C12orf54: variants seen among roughly 807,000 people sequenced by gnomAD.
C12orf54 encodes chromosome 12 open reading frame 54.
A neutral mutation model predicts 26.4 loss-of-function variants in C12orf54; 24 were observed. That is an observed-to-expected ratio of 0.91 (90% CI 0.66 to 1.28). The LOEUF is 1.28. Among genes scored for constraint, C12orf54 ranks in the 50% most tolerant of loss-of-function variants. The pLI, the probability that C12orf54 is intolerant of heterozygous loss-of-function variation, is 0.00. For synonymous variants in C12orf54, 54 were observed against 47.0 expected, an observed-to-expected ratio of 1.15 and a Z score of -0.61; for missense variants, 154 against 150.9, an observed-to-expected ratio of 1.02 and a Z score of -0.11.
the C12orf54 span, among the ~76,000 whole-genome samples, chr12:48,448,466 A>G: frequency 1.3e-5 from 2 of 152,222 alleles, no homozygotes; most frequent in Admixed American, 6.5e-5. Context: ...TAATTGTTAT[A>G]AAGTGTCGCA....
the C12orf54 span, among the ~76,000 whole-genome samples, chr12:48,461,025 A>G: frequency 6.6e-6 from 1 of 151,992 alleles, no homozygotes; most frequent in Admixed American, 6.6e-5. Flanking sequence ...CTCATAAGAA[A>G]CCCACTTTAA....
intron 4 of C12orf54, among the ~76,000 whole-genome samples, 185 bp from the exon 5 acceptor site, chr12:48,488,739 G>A (rs1376186563): frequency 6.6e-6 from 1 of 152,162 alleles, no homozygotes; most frequent in Non-Finnish European, 1.5e-5. Context: ...GCAGCCCAGA[G>A]GTTTCTGTAG....
chr12:48,435,512 A>G, the C12orf54 span, among the ~76,000 whole-genome samples: 1 of 152,216 alleles, frequency 6.6e-6, no homozygotes, highest in Non-Finnish European at 1.5e-5. Flanking sequence ...AGCCAGAGAG[A>G]AAGGTCGGGT....
At chr12:48,417,100 A>G in the C12orf54 span, 2 of 152,264 alleles carry the variant, frequency 1.3e-5, no homozygotes, top group Admixed American at 1.3e-4. Context: ...TTTTCTTCAT[A>G]AATTACCCAA....
At chr12:48,427,472 A>T in the C12orf54 span, among the ~76,000 whole-genome samples, 1 of 152,092 alleles carries the variant, frequency 6.6e-6, no homozygotes, top group Non-Finnish European at 1.5e-5. Context: ...TGCTGGATTC[A>T]GTTTGCTAGT....
chr12:48,441,207 TG>T, the C12orf54 span, among the ~76,000 whole-genome samples: 4 of 152,252 alleles, frequency 2.6e-5, no homozygotes, highest in Admixed American at 2.6e-4. Context: ...TTTATAAATC[TG>T]GCCTTGAAAG....
At chr12:48,416,904 T>C in the C12orf54 span, among the ~76,000 whole-genome samples, 1 of 151,818 alleles carries the variant, frequency 6.6e-6, no homozygotes, top group Non-Finnish European at 1.5e-5. Flanking sequence ...CCCTCATGAA[T>C]AGATTAATGC....
At chr12:48,435,528 A>T in the C12orf54 span, among the ~76,000 whole-genome samples, 1 of 152,238 alleles carries the variant, frequency 6.6e-6, no homozygotes, top group Non-Finnish European at 1.5e-5. Context: ...CGGGTTACCC[A>T]CAAAGGGAAG....
the C12orf54 span, among the ~76,000 whole-genome samples, chr12:48,465,028 T>C: frequency 6.6e-6 from 1 of 151,948 alleles, no homozygotes; most frequent in South Asian, 2.1e-4. Flanking sequence ...ATGACAAAAA[T>C]GCCAAAAGCA....
At chr12:48,465,798 AAACT>A in the C12orf54 span, among the ~76,000 whole-genome samples, 2 of 152,170 alleles carry the variant, frequency 1.3e-5, no homozygotes, top group African/African-American at 4.8e-5. Flanking sequence ...TATCCTTAGC[AAACT>A]AACACAGGAA....
chr12:48,474,896 G>A, the C12orf54 span, among the ~76,000 whole-genome samples: 2 of 152,218 alleles, frequency 1.3e-5, no homozygotes, highest in Admixed American at 1.3e-4. Flanking sequence ...TTTGAAAAGA[G>A]TAGTGGTTCT....
At chr12:48,467,713 T>C in the C12orf54 span, among the ~76,000 whole-genome samples, 20 of 152,154 alleles carry the variant, frequency 1.3e-4, no homozygotes, top group African/African-American at 4.6e-4. Context: ...TTCATGGATA[T>C]TTTCATTATC....
the C12orf54 span, among the ~76,000 whole-genome samples, chr12:48,425,130 T>C: frequency 1.3e-5 from 2 of 152,106 alleles, no homozygotes; most frequent in African/African-American, 4.8e-5. Context: ...GTTTGTTATA[T>C]AGGTAAACTG....
chr12:48,461,086 G>A, the C12orf54 span, among the ~76,000 whole-genome samples: 327 of 152,008 alleles, frequency 2.2e-3, 2 homozygotes, highest in African/African-American at 6.6e-3. Context: ...AAGATATTCC[G>A]TGCTGACACT....
chr12:48,478,337 CA>C (rs1335803388), upstream of C12orf54, among the ~76,000 whole-genome samples: 1 of 152,156 alleles, frequency 6.6e-6, no homozygotes, highest in Non-Finnish European at 1.5e-5. Flanking sequence ...AAAACAGGCA[CA>C]AGATAGGGAT....
intron 8 of C12orf54, among the ~76,000 whole-genome samples, chr12:48,495,322 G>A (rs1937889059): frequency 6.6e-6 from 1 of 152,176 alleles, no homozygotes; most frequent in African/African-American, 2.4e-5. Flanking sequence ...AAGGTGGAAA[G>A]TTTTAAAATA....
the C12orf54 span, among the ~76,000 whole-genome samples, chr12:48,468,583 A>T: frequency 1.5e-5 from 2 of 130,732 alleles, no homozygotes; most frequent in African/African-American, 4.9e-5. Flanking sequence ...CCATGCAAAC[A>T]CTAACTACAA....
the C12orf54 span, chr12:48,472,735 T>C: frequency 1.2e-6 from 2 of 1,614,214 alleles, no homozygotes; most frequent in Non-Finnish European, 8.5e-7. Context: ...GAACTTTTCC[T>C]GGACAACAGT....
At chr12:48,438,801 C>T in the C12orf54 span, among the ~76,000 whole-genome samples, 15 of 152,106 alleles carry the variant, frequency 9.9e-5, no homozygotes, top group Non-Finnish European at 1.8e-4. Flanking sequence ...CCATAAAAAC[C>T]CTAGAAGAAA....
Sources: allele counts gnomAD v4.1 joint callset (sites outside exome capture counted in the v4.1 genomes callset), GRCh38; gene constraint gnomAD v4.1.1; transcripts MANE v1.5; gene names NCBI Gene and HGNC (gene_info 2026-07-23, HGNC 2026-07-21).